Variants in ATP8B4 observed in about 807,000 individuals in gnomAD.
ATP8B4 encodes probable phospholipid-transporting ATPase IM.
ATP8B4 carries 133 observed loss-of-function variants against 145.6 expected under a neutral mutation model. That is an observed-to-expected ratio of 0.91 (90% CI 0.79 to 1.05). The LOEUF (loss-of-function observed/expected upper bound fraction) is 1.05. ATP8B4 is among the 50% of genes least tolerant of loss of function. ATP8B4 has a pLI of 0.00. For missense variants in ATP8B4, 1,458 were observed against 1,425.2 expected, an observed-to-expected ratio of 1.02 and a Z score of -0.37; for synonymous variants, 507 against 492.9, an observed-to-expected ratio of 1.03 and a Z score of -0.38.
intron 6 of ATP8B4, 30 bp from the exon 7 acceptor site, chr15:50,010,947 C>T (rs375033875): frequency 8.9e-5 from 127 of 1,421,808 alleles, no homozygotes; most frequent in Non-Finnish European, 1.2e-4. Flanking sequence ...TAATTTTCTT[C>T]AAGAATGAAG....
At position 50,078,179 on chromosome 15, in the gene ATP8B4, CT is replaced by C. The variant is rs77613939; in HGVS notation, c.29-3995del. On this transcript the variant is annotated intron_variant, in intron 2 of 27. Transcript: ENST00000284509. Reference sequence around the variant, plus strand: ...GATATATAGGTTTTTTAGAGATGCTCTTTTTTTTTTTGACATTGTGCCACTG... The same window carrying C: ...GATATATAGGTTTTTTAGAGATGCTCTTTTTTTTTTGACATTGTGCCACTG... Among the ~76,000 whole-genome samples, 1,173 of 145,688 alleles carry C rather than the reference CT, an allele frequency of 8.1e-3. 11 individuals carry two copies. The highest frequency in any genetic ancestry group is 0.025 in the African/African-American group (988 of 39,926).
At chr15:49,912,730 C>T (rs2039357441) in intron 20 of ATP8B4, among the ~76,000 whole-genome samples, 1 of 152,110 alleles carries the variant, frequency 6.6e-6, no homozygotes, top group African/African-American at 2.4e-5. Flanking sequence ...AAGAAAACTA[C>T]AGATCAATAT....
At chr15:50,037,360 C>G (rs1778264942) in intron 6 of ATP8B4, among the ~76,000 whole-genome samples, 1 of 152,176 alleles carries the variant, frequency 6.6e-6, no homozygotes. Context: ...CTACCCACAA[C>G]CACACATACT....
rs182947621 is a variant in ATP8B4, at chr15:50,074,128, G to A, written c.86C>T (p.Ala29Val). The A allele has an allele frequency of 1.0e-4, 168 of 1,610,504 alleles. No individual in the cohort carries two copies. The highest frequency in any genetic ancestry group is 1.3e-4 in the Non-Finnish European group (157 of 1,177,312). ...DREYNEKFQY[A>V]DNRIHTSKYN... is the part of the protein sequence containing the mutation. ...ATGTGTTATGTGTGTTTCACTTACC[G>A]CATACTGGAACTTTTCATTATATTC... The change falls in exon 3 of 28, where the codon GCG becomes GTG. Residue 29 changes from alanine to valine, a missense_variant and splice_region_variant. Coordinates refer to ENST00000284509, the MANE Select transcript of ATP8B4 (RefSeq NM_024837.4).
At chr15:49,949,332 C>T (rs927378494) in intron 14 of ATP8B4, among the ~76,000 whole-genome samples, 22 of 152,268 alleles carry the variant, frequency 1.4e-4, no homozygotes, top group African/African-American at 5.3e-4. Flanking sequence ...TTTGTGTTCT[C>T]TCTTATGTCC....
intron 6 of ATP8B4, among the ~76,000 whole-genome samples, chr15:50,014,166 G>C (rs1452324977): frequency 1.3e-5 from 2 of 152,148 alleles, no homozygotes; most frequent in African/African-American, 4.8e-5. Context: ...ACAAGCTACA[G>C]AAGTGTTGGG....
At chr15:49,982,782 C>G (rs571034640) in intron 10 of ATP8B4, among the ~76,000 whole-genome samples, 3 of 152,112 alleles carry the variant, frequency 2.0e-5, no homozygotes, top group Admixed American at 6.6e-5. Flanking sequence ...TCAACAGCCT[C>G]CGTTTTCTTA....
At chr15:49,862,747 G>A (rs186546891) in intron 26 of ATP8B4, among the ~76,000 whole-genome samples, 56 of 152,242 alleles carry the variant, frequency 3.7e-4, no homozygotes, top group African/African-American at 1.2e-3. Context: ...GAGCCACCAC[G>A]CCTGGCCAAG....
rs139366367 is a variant in ATP8B4 at position 50,002,168 on chromosome 15, G to A, written c.491C>T (p.Thr164Ile). 26 of 1,609,516 alleles carry A rather than the reference G, an allele frequency of 1.6e-5. No homozygotes were observed. In the African/African-American group the frequency reaches 3.2e-4, roughly 20 times the overall value. The change falls in exon 8 of 28, where the codon ACT becomes ATT. Residue 164 changes from threonine to isoleucine, a missense_variant. Physicochemically the swap from Thr to Ile is moderately conservative, Grantham distance 89. Coordinates refer to ENST00000284509, the MANE Select transcript of ATP8B4 (RefSeq NM_024837.4). ...AATAACTTACCCATCAAGCTCAGCA[G>A]TTTCAACATAACAGAGACCATGTGG... ...SEPHGLCYVE[T>I]AELDGETNLK...
chr15:50,149,048 G>A (rs1265982810), intron 1 of ATP8B4, among the ~76,000 whole-genome samples: 1 of 152,082 alleles, frequency 6.6e-6, no homozygotes, highest in African/African-American at 2.4e-5. Context: ...AGCTTCCCAG[G>A]TGATTCTCTT....
intron 20 of ATP8B4, among the ~76,000 whole-genome samples, chr15:49,906,410 C>T (rs926261722): frequency 1.3e-5 from 2 of 152,170 alleles, no homozygotes; most frequent in African/African-American, 2.4e-5. Flanking sequence ...ATTCTTTCCA[C>T]GTAATGACAG....
intron 23 of ATP8B4, among the ~76,000 whole-genome samples, chr15:49,894,361 T>G (rs2153425426): frequency 6.6e-6 from 1 of 152,252 alleles, no homozygotes; most frequent in East Asian, 1.9e-4. Context: ...TGTGATAAGG[T>G]CATCGTACAA....
intron 12 of ATP8B4, among the ~76,000 whole-genome samples, chr15:49,976,961 C>T (rs545781789): frequency 2.0e-5 from 3 of 152,182 alleles, no homozygotes; most frequent in East Asian, 1.9e-4. Flanking sequence ...GGAAAGAACA[C>T]TCAAAAGCTA....
chr15:50,041,441 A>G (rs879907921), intron 5 of ATP8B4, among the ~76,000 whole-genome samples: 2 of 152,240 alleles, frequency 1.3e-5, no homozygotes, highest in Non-Finnish European at 2.9e-5. Context: ...ATTAGGCTTG[A>G]GAAGTAGCAT....
chr15:49,904,809 C>T (rs2038422023), intron 20 of ATP8B4, among the ~76,000 whole-genome samples: 1 of 152,142 alleles, frequency 6.6e-6, no homozygotes, highest in Admixed American at 6.5e-5. Flanking sequence ...GCATATTTTG[C>T]TGATTAAAGA....
At chr15:50,102,145 A>G (rs2056398394) in intron 2 of ATP8B4, among the ~76,000 whole-genome samples, 1 of 152,160 alleles carries the variant, frequency 6.6e-6, no homozygotes, top group Admixed American at 6.5e-5. Flanking sequence ...AAAGTCTGAA[A>G]GAGCACAAAT....
chr15:50,088,437 G>T (rs1351188170), intron 2 of ATP8B4, among the ~76,000 whole-genome samples: 1 of 151,948 alleles, frequency 6.6e-6, no homozygotes, highest in Non-Finnish European at 1.5e-5. Flanking sequence ...CAGCCTCAGT[G>T]GCCTCTTGTT....
intron 2 of ATP8B4, among the ~76,000 whole-genome samples, chr15:50,091,122 C>G (rs1236937950): frequency 6.6e-6 from 1 of 151,994 alleles, no homozygotes; most frequent in African/African-American, 2.4e-5. Flanking sequence ...AAAATTAAGT[C>G]CAGAAATTTA....
At chr15:49,931,090 T>C (rs1218849103) in intron 16 of ATP8B4, 29 bp downstream of exon 16, 2 of 1,577,264 alleles carry the variant, frequency 1.3e-6, no homozygotes, top group East Asian at 2.2e-5. Flanking sequence ...TATGAAAAGA[T>C]CAAAAATAGT....
Sources: allele counts gnomAD v4.1 joint callset (sites outside exome capture counted in the v4.1 genomes callset), GRCh38; gene constraint gnomAD v4.1.1; transcripts MANE v1.5; gene names NCBI Gene and HGNC (gene_info 2026-07-23, HGNC 2026-07-21).